APBA2: variants seen among roughly 807,000 people sequenced by gnomAD.
APBA2 encodes the protein amyloid beta precursor protein binding family A member 2, also known as amyloid-beta A4 precursor protein-binding family A member 2.
In APBA2, 30 loss-of-function variants were observed where a neutral mutation model predicts 75.0. That is an observed-to-expected ratio of 0.40 (90% CI 0.30 to 0.54). APBA2 has a LOEUF of 0.54. Among genes scored for constraint, APBA2 ranks in the 20% least tolerant of loss-of-function variants. The pLI, the probability that APBA2 is intolerant of heterozygous loss-of-function variation, is 0.49. For missense variants in APBA2, 801 were observed against 1,016.1 expected, an observed-to-expected ratio of 0.79 and a Z score of 2.88; for synonymous variants, 444 against 409.6, an observed-to-expected ratio of 1.08 and a Z score of -1.01.
intron 3 of APBA2, among the ~76,000 whole-genome samples, chr15:28,997,957 G>A (rs749348545): frequency 3.3e-5 from 5 of 152,182 alleles, no homozygotes; most frequent in Non-Finnish European, 7.3e-5. Flanking sequence ...CCTTCTCAGA[G>A]AGAAAGGCGG....
At chr15:29,013,273 CTTTTTTTTTTT>C (rs560518234) in intron 3 of APBA2, among the ~76,000 whole-genome samples, 2 of 85,850 alleles carry the variant, frequency 2.3e-5, no homozygotes, top group Admixed American at 1.4e-4. Flanking sequence ...ATGAGTCATT[CTTTTTTTTTTT>C]TTTTTTTTTT....
chr15:28,935,696 G>T (rs1377625105), intron 2 of APBA2, among the ~76,000 whole-genome samples: 3 of 152,204 alleles, frequency 2.0e-5, no homozygotes, highest in Admixed American at 2.0e-4. Flanking sequence ...CCAAGGCCAG[G>T]TCTGCATGAG....
intron 4 of APBA2, among the ~76,000 whole-genome samples, chr15:29,056,053 G>A (rs1391915183): frequency 1.3e-5 from 2 of 152,204 alleles, no homozygotes; most frequent in East Asian, 1.9e-4. Flanking sequence ...CAGTGGTGAA[G>A]GCACCTCAGG....
At chr15:28,943,960 A>G (rs146704144) in intron 2 of APBA2, among the ~76,000 whole-genome samples, 582 of 152,010 alleles carry the variant, frequency 3.8e-3, no homozygotes, top group African/African-American at 0.013. Context: ...CGTGGCCCCC[A>G]TGCTCCCCAA....
chr15:29,004,484 T>A (rs2039009928), intron 3 of APBA2, among the ~76,000 whole-genome samples: 1 of 152,138 alleles, frequency 6.6e-6, no homozygotes, highest in South Asian at 2.1e-4. Context: ...TCAGACTGTG[T>A]TTGCTATCAG....
chr15:28,962,874 C>T lies in APBA2; in HGVS notation c.-94-32879C>T, dbSNP rs1465806972. 2.0e-5 allele frequency among the ~76,000 whole-genome samples: 3 copies of T among 152,204 alleles called. No homozygotes were observed. The South Asian group carries it at 6.2e-4, about 31-fold the overall frequency. ...GGTCTTCTTTAAATTGGTACTTTAA[C>T]CGCTTCCTGGACAAGGCAGGGACTT... is the stretch of plus-strand genomic sequence containing the variant. On this transcript the variant is annotated intron_variant, in intron 2 of 14. Transcript: ENST00000683413.
At chr15:28,940,446 G>A (rs2035145911) in intron 2 of APBA2, among the ~76,000 whole-genome samples, 1 of 144,620 alleles carries the variant, frequency 6.9e-6, no homozygotes, top group Admixed American at 6.8e-5. Context: ...TGAGACAGGA[G>A]AATGGAGAAT....
At chr15:29,028,215 A>G (rs1472681365) in intron 3 of APBA2, among the ~76,000 whole-genome samples, 9 of 150,760 alleles carry the variant, frequency 6.0e-5, no homozygotes, top group Non-Finnish European at 1.3e-4. Flanking sequence ...ATGTTTTCTC[A>G]GTGTTCAGCT....
At chr15:28,970,495 T>C (rs2037006298) in intron 2 of APBA2, 1 of 147,934 alleles carries the variant, frequency 6.8e-6, no homozygotes, top group East Asian at 2.0e-4. Flanking sequence ...TGGGGCCACA[T>C]AGTGAGACCC....
intron 13 of APBA2, among the ~76,000 whole-genome samples, chr15:29,109,327 A>T (rs56730285): frequency 0.062 from 9,421 of 152,244 alleles, 973 homozygotes; most frequent in African/African-American, 0.22. Flanking sequence ...TTTAGGGTCC[A>T]TCTCTGACCC....
At chr15:29,035,665 G>C (rs1235034529) in intron 3 of APBA2, among the ~76,000 whole-genome samples, 1 of 152,130 alleles carries the variant, frequency 6.6e-6, no homozygotes, top group Admixed American at 6.5e-5. Context: ...ACAAGAAATC[G>C]ATGTGGTGTT....
intron 8 of APBA2, among the ~76,000 whole-genome samples, chr15:29,097,525 G>C (rs974896717): frequency 6.6e-6 from 1 of 152,192 alleles, no homozygotes; most frequent in Non-Finnish European, 1.5e-5. Flanking sequence ...GCCTTCCTTC[G>C]AGTTATTACT....
chr15:28,892,639 A>ATGTGTGTG (rs772983227), intron 1 of APBA2, among the ~76,000 whole-genome samples: 1 of 149,880 alleles, frequency 6.7e-6, no homozygotes, highest in Admixed American at 6.7e-5. Context: ...CTGTGTGTAT[A>ATGTGTGTG]TGTGTGTGTG....
intron 4 of APBA2, among the ~76,000 whole-genome samples, chr15:29,068,449 C>CA (rs1383473791): frequency 6.6e-6 from 1 of 152,236 alleles, no homozygotes; most frequent in Non-Finnish European, 1.5e-5. Context: ...TCTCCCTGGG[C>CA]CGGTCTCAGC....
At chr15:29,083,988 T>G (rs890891645) in intron 6 of APBA2, among the ~76,000 whole-genome samples, 2 of 152,248 alleles carry the variant, frequency 1.3e-5, no homozygotes, top group African/African-American at 4.8e-5. Flanking sequence ...AGTTTTTTCA[T>G]AAAAATTCAA....
intron 14 of APBA2, 31 bp downstream of exon 14, chr15:29,114,047 T>A: frequency 1.2e-6 from 2 of 1,613,506 alleles, no homozygotes; most frequent in Non-Finnish European, 1.7e-6. Flanking sequence ...TGCCTCTGCA[T>A]GCCGGTTCCC....
intron 2 of APBA2, among the ~76,000 whole-genome samples, chr15:28,952,084 T>C (rs943700431): frequency 6.6e-6 from 1 of 151,886 alleles, no homozygotes; most frequent in Admixed American, 6.6e-5. Context: ...TTTTTTTGAA[T>C]GCACGACCCC....
chr15:28,912,646 T>G (rs1015749337), intron 1 of APBA2, among the ~76,000 whole-genome samples: 1 of 152,212 alleles, frequency 6.6e-6, no homozygotes, highest in Non-Finnish European at 1.5e-5. Context: ...GTGTCTGTTC[T>G]TTACTCTTCA....
chr15:28,904,744 G>A (rs1566786369), intron 1 of APBA2, among the ~76,000 whole-genome samples: 1 of 152,182 alleles, frequency 6.6e-6, no homozygotes, highest in Admixed American at 6.5e-5. Flanking sequence ...TCTGCAGCAC[G>A]CAGACTCCCT....
Sources: gnomAD v4.1 joint callset for allele counts (sites outside exome capture counted in the v4.1 genomes callset) on GRCh38, gnomAD v4.1.1 for gene constraint, MANE v1.5 for transcripts, NCBI Gene and HGNC (gene_info 2026-07-23, HGNC 2026-07-21) for gene names.